GCA: variants seen among roughly 807,000 people sequenced by gnomAD.
GCA encodes grancalcin, also known as grancalcin, EF-hand calcium-binding protein.
GCA carries 30 observed loss-of-function variants against 32.6 expected under a neutral mutation model. The ratio of observed to expected loss-of-function variants is 0.92; its 90% CI spans 0.69 to 1.25. The LOEUF (loss-of-function observed/expected upper bound fraction) is 1.25, where lower values mean the gene tolerates loss of function less well. GCA is among the 50% of genes most tolerant of loss of function. GCA has a pLI of 0.00. For missense variants in GCA, 291 were observed against 266.8 expected (o/e 1.09, Z -0.63); for synonymous variants, 102 against 84.6 (o/e 1.21, Z -1.13).
downstream of GCA, among the ~76,000 whole-genome samples, chr2:162,372,965 C>T (rs1418905387): frequency 6.6e-6 from 1 of 152,118 alleles, no homozygotes; most frequent in South Asian, 2.1e-4. Context: ...GGGGTACAGA[C>T]AAGATTACTA....
intron 2 of GCA, among the ~76,000 whole-genome samples, chr2:162,348,453 AT>A (rs1375758325): frequency 2.0e-5 from 3 of 152,282 alleles, no homozygotes; most frequent in Admixed American, 2.0e-4. Flanking sequence ...ATTTATAGTA[AT>A]TTTGATTTGA....
At chr2:162,371,916 A>T, downstream of GCA, 1 of 1,613,878 alleles carries the variant, frequency 6.2e-7, no homozygotes. Flanking sequence ...GCAAAGAAGG[A>T]TGCCTAATTG....
At chr2:162,339,558 A>C (rs556208993), upstream of GCA, among the ~76,000 whole-genome samples, 1 of 152,234 alleles carries the variant, frequency 6.6e-6, no homozygotes, top group Admixed American at 6.5e-5. Context: ...AACCCCAACC[A>C]CCAATGGGAT....
In GCA at chr2:162,361,741, A is replaced by G; in HGVS notation, c.*1498A>G. The G allele has an allele frequency of 3.1e-6, 3 of 981,714 alleles. No homozygotes were observed. The highest frequency in any genetic ancestry group is 3.6e-6 in the Non-Finnish European group (3 of 826,750). 60.8% of individuals were successfully genotyped at this position (981,714 alleles called of 1,614,324 possible). A position where few individuals can be genotyped will look rare whatever the true frequency, so the allele number is the denominator to read the frequency against. ...TGTTCTCTGGCTTTTTTATGAACAT[A>G]TATTTGATAATGTGAGAGGACATTA... On this transcript the variant is annotated 3_prime_UTR_variant, in exon 8 of 8. Transcript: ENST00000437150.
upstream of GCA, among the ~76,000 whole-genome samples, chr2:162,341,802 T>C (rs1431987125): frequency 6.6e-6 from 1 of 152,182 alleles, no homozygotes; most frequent in East Asian, 1.9e-4. Context: ...GCAGCCATAC[T>C]CTCAGATTTG....
At chr2:162,326,983 T>C (rs760797415) in intron 1 of GCA, among the ~76,000 whole-genome samples, 25 of 152,174 alleles carry the variant, frequency 1.6e-4, no homozygotes, top group Non-Finnish European at 3.2e-4. Flanking sequence ...ACCTGGAGAA[T>C]GGGAATTAAC....
At chr2:162,329,410 G>T (rs1477073085) in intron 1 of GCA, among the ~76,000 whole-genome samples, 1 of 151,812 alleles carries the variant, frequency 6.6e-6, no homozygotes, top group African/African-American at 2.4e-5. Context: ...AATCACGAAG[G>T]GTTAAACTAA....
intron 3 of GCA, among the ~76,000 whole-genome samples, chr2:162,355,234 AAC>A (rs1244177598): frequency 2.0e-5 from 3 of 152,096 alleles, no homozygotes; most frequent in Non-Finnish European, 4.4e-5. Context: ...GAAATCATGT[AAC>A]ACACGCCACC....
chr2:162,365,730 A>G (rs1447863498), downstream of GCA, among the ~76,000 whole-genome samples: 1 of 151,690 alleles, frequency 6.6e-6, no homozygotes, highest in Non-Finnish European at 1.5e-5. Context: ...TCAGCTAAAA[A>G]GCGTTAATGT....
rs1283435917 is a variant in GCA at position 162,361,314 on chromosome 2, T to C, written c.*1071T>C. 5 of 984,236 alleles carry C rather than the reference T, an allele frequency of 5.1e-6. No individual in the cohort carries two copies. The highest frequency in any genetic ancestry group is 6.0e-6 in the Non-Finnish European group (5 of 829,132). 61.0% of individuals were successfully genotyped at this position (984,236 alleles called of 1,614,324 possible). A position where few individuals can be genotyped will look rare whatever the true frequency, so the allele number is the denominator to read the frequency against. Reference sequence around the variant, plus strand: ...CGACGTAGAATCACCAGATCTTTAGTGTTTAATATCCCTGGTATAAGATGT... The same window carrying C: ...CGACGTAGAATCACCAGATCTTTAGCGTTTAATATCCCTGGTATAAGATGT... On this transcript the variant is annotated 3_prime_UTR_variant, in exon 8 of 8. Coordinates refer to ENST00000437150, the MANE Select transcript of GCA (RefSeq NM_012198.5).
At chr2:162,327,637 AGGC>A (rs1683932316) in intron 1 of GCA, among the ~76,000 whole-genome samples, 1 of 152,090 alleles carries the variant, frequency 6.6e-6, no homozygotes, top group Non-Finnish European at 1.5e-5. Flanking sequence ...TGGCTGCTGC[AGGC>A]ACGCCTAGGC....
Position 162,360,949 on chromosome 2 carries a change from A to G in GCA, c.*706A>G. 5 of 1,139,116 alleles carry G rather than the reference A, an allele frequency of 4.4e-6. No homozygotes were observed. Among genetic ancestry groups the G allele is most frequent in the Non-Finnish European group, 4.3e-6 (4 of 926,396 alleles). 70.6% of individuals were successfully genotyped at this position (1,139,116 alleles called of 1,614,324 possible). On this transcript the variant is annotated 3_prime_UTR_variant, in exon 8 of 8. Coordinates refer to ENST00000437150, the MANE Select transcript of GCA (RefSeq NM_012198.5). ...ATTTCTCTCTGCGTCCTATTTCATTAGTGAAGACATAGTTCACCTAAAATG... is the reference window on the plus strand; with the variant it reads ...ATTTCTCTCTGCGTCCTATTTCATTGGTGAAGACATAGTTCACCTAAAATG...
intron 1 of GCA, among the ~76,000 whole-genome samples, chr2:162,337,955 G>T (rs1028022482): frequency 6.6e-6 from 1 of 152,088 alleles, no homozygotes; most frequent in African/African-American, 2.4e-5. Flanking sequence ...CAGATTTTGT[G>T]TGCTATTTCC....
chr2:162,372,046 G>A (rs940951599), downstream of GCA: 45 of 1,612,904 alleles, frequency 2.8e-5, no homozygotes, highest in Non-Finnish European at 3.8e-5. Flanking sequence ...ACTTGAAAGG[G>A]ATTCTTTGGA....
At chr2:162,370,133 T>C (rs1305754274) in intron 4 of GCA, among the ~76,000 whole-genome samples, 1 of 152,176 alleles carries the variant, frequency 6.6e-6, no homozygotes, top group African/African-American at 2.4e-5. Context: ...AATCACATTT[T>C]AAACAGTGCA....
chr2:162,342,313 C>G (rs1171368523), upstream of GCA, among the ~76,000 whole-genome samples: 1 of 152,040 alleles, frequency 6.6e-6, no homozygotes, highest in Non-Finnish European at 1.5e-5. Flanking sequence ...GATATTTTAC[C>G]CTAGTTATAA....
At chr2:162,366,459 G>A (rs949096636), downstream of GCA, among the ~76,000 whole-genome samples, 33 of 151,808 alleles carry the variant, frequency 2.2e-4, 1 homozygote, top group African/African-American at 7.2e-4. Flanking sequence ...TAAGCCTCAC[G>A]GTAATTTCCT....
At chr2:162,348,412 A>T (rs1684821112) in intron 2 of GCA, among the ~76,000 whole-genome samples, 1 of 152,196 alleles carries the variant, frequency 6.6e-6, no homozygotes, top group Non-Finnish European at 1.5e-5. Context: ...AGGTTGAGAA[A>T]TTACATTTTT....
chr2:162,362,581 C>T lies in GCA; in HGVS notation c.*2338C>T. Reference sequence around the variant, plus strand: ...TAAGTGCTTTTATTTATACAGTAAACATGTTTCCATGTCATTTTGAGAATT... The same window carrying T: ...TAAGTGCTTTTATTTATACAGTAAATATGTTTCCATGTCATTTTGAGAATT... On this transcript the variant is annotated 3_prime_UTR_variant, in exon 8 of 8. Coordinates refer to ENST00000437150, the MANE Select transcript of GCA (RefSeq NM_012198.5). 1.1e-6 allele frequency: 1 copy of T among 936,576 alleles called. No homozygotes were observed. The highest frequency in any genetic ancestry group is 1.3e-6 in the Non-Finnish European group (1 of 785,682). 58.0% of individuals were successfully genotyped at this position (936,576 alleles called of 1,614,324 possible).
Sources: allele counts gnomAD v4.1 joint callset (sites outside exome capture counted in the v4.1 genomes callset), GRCh38; gene constraint gnomAD v4.1.1; transcripts MANE v1.5; gene names NCBI Gene and HGNC (gene_info 2026-07-23, HGNC 2026-07-21).